PTPRD: variants seen among roughly 807,000 people sequenced by gnomAD.
PTPRD encodes receptor-type tyrosine-protein phosphatase delta.
A neutral mutation model predicts 214.5 loss-of-function variants in PTPRD; 34 were observed. The observed-to-expected ratio is 0.16, with a 90% confidence interval of 0.12 to 0.21. The LOEUF is 0.21. PTPRD is among the 10% of genes least tolerant of loss of function. The pLI is 1.00. For missense variants in PTPRD, 2,545 were observed against 2,398.7 expected (o/e 1.06, Z -1.27); for synonymous variants, 1,128 against 845.7 (o/e 1.33, Z -5.79).
At chr9:9,071,273 G>C (rs373267406) in intron 10 of PTPRD, among the ~76,000 whole-genome samples, 1 of 152,086 alleles carries the variant, frequency 6.6e-6, no homozygotes, top group African/African-American at 2.4e-5. Context: ...TTTGGACAAG[G>C]CACACAACTT....
intron 3 of PTPRD, among the ~76,000 whole-genome samples, chr9:10,261,019 T>G (rs993155357): frequency 8.5e-6 from 1 of 116,974 alleles, no homozygotes; most frequent in Admixed American, 7.8e-5. Context: ...TATATATGTG[T>G]GTATATATAT....
intron 11 of PTPRD, among the ~76,000 whole-genome samples, chr9:8,920,271 G>A (rs773559441): frequency 2.0e-5 from 3 of 152,076 alleles, no homozygotes; most frequent in Non-Finnish European, 4.4e-5. Flanking sequence ...AACCCAGGAG[G>A]CAGAGGTTGC....
chr9:10,024,469 T>A (rs1158081801), intron 4 of PTPRD, among the ~76,000 whole-genome samples: 2 of 152,194 alleles, frequency 1.3e-5, no homozygotes, highest in East Asian at 3.9e-4. Flanking sequence ...ACTTTCATAA[T>A]GTGATACTTT....
intron 8 of PTPRD, among the ~76,000 whole-genome samples, chr9:9,507,892 G>A (rs1042413531): frequency 6.6e-6 from 1 of 151,370 alleles, no homozygotes; most frequent in African/African-American, 2.4e-5. Context: ...TGTCATTCGT[G>A]TCTTGGGTAG....
At chr9:9,401,080 G>C (rs978106270) in intron 8 of PTPRD, among the ~76,000 whole-genome samples, 1 of 151,858 alleles carries the variant, frequency 6.6e-6, no homozygotes, top group Non-Finnish European at 1.5e-5. Context: ...TCTGTACTAG[G>C]CAGGTGGTAG....
At chr9:8,594,961 C>T (rs1474220765) in intron 14 of PTPRD, among the ~76,000 whole-genome samples, 1 of 148,610 alleles carries the variant, frequency 6.7e-6, no homozygotes, top group Non-Finnish European at 1.5e-5. Context: ...CTCCCAGGTT[C>T]ACTCCATTCT....
intron 12 of PTPRD, among the ~76,000 whole-genome samples, chr9:8,723,330 C>T (rs2154422337): frequency 6.6e-6 from 1 of 152,256 alleles, no homozygotes; most frequent in East Asian, 1.9e-4. Context: ...ATATGACAAA[C>T]CAAACCAAGA....
chr9:8,881,203 G>A (rs1286000669), intron 11 of PTPRD, among the ~76,000 whole-genome samples: 1 of 152,154 alleles, frequency 6.6e-6, no homozygotes. Flanking sequence ...GAAATCAAAT[G>A]TATTTGTTCC....
intron 30 of PTPRD, among the ~76,000 whole-genome samples, chr9:8,476,644 C>G (rs951222914): frequency 6.6e-6 from 1 of 152,110 alleles, no homozygotes; most frequent in Middle Eastern, 3.2e-3. Context: ...CATTTTTAAT[C>G]TATACATTTT....
At chr9:8,441,390 T>A (rs539133829) in intron 34 of PTPRD, among the ~76,000 whole-genome samples, 13 of 152,152 alleles carry the variant, frequency 8.5e-5, no homozygotes, top group African/African-American at 3.1e-4. Context: ...GGCCAATCGG[T>A]TCAGACTGTT....
intron 2 of PTPRD, among the ~76,000 whole-genome samples, chr9:10,513,172 TTGTGTGTGTA>T (rs2048870447): frequency 6.6e-6 from 1 of 151,514 alleles, no homozygotes. Flanking sequence ...GGTTTTATGA[TTGTGTGTGTA>T]TGTGTGTGTG....
intron 9 of PTPRD, among the ~76,000 whole-genome samples, chr9:9,327,144 T>C (rs2136294388): frequency 6.6e-6 from 1 of 152,292 alleles, no homozygotes; most frequent in South Asian, 2.1e-4. Context: ...ACTGAAATTC[T>C]TGGTAAATTA....
intron 2 of PTPRD, among the ~76,000 whole-genome samples, chr9:10,370,683 A>C (rs2097593848): frequency 6.6e-6 from 1 of 152,114 alleles, no homozygotes; most frequent in Non-Finnish European, 1.5e-5. Context: ...TACCATGCTT[A>C]ATATTTCATA....
chr9:9,921,553 A>T (rs542176162), intron 5 of PTPRD, among the ~76,000 whole-genome samples: 2 of 151,826 alleles, frequency 1.3e-5, no homozygotes, highest in Non-Finnish European at 2.9e-5. Context: ...GAAATAGAGT[A>T]TATTCAAGAG....
chr9:9,615,389 C>G (rs1184715938), intron 7 of PTPRD, among the ~76,000 whole-genome samples: 1 of 152,166 alleles, frequency 6.6e-6, no homozygotes, highest in Non-Finnish European at 1.5e-5. Context: ...TGAAGCAGCA[C>G]CAGACAGCTC....
At chr9:8,500,276 TTC>T (rs1335271287) in intron 24 of PTPRD, among the ~76,000 whole-genome samples, 1 of 151,896 alleles carries the variant, frequency 6.6e-6, no homozygotes, top group African/African-American at 2.4e-5. Flanking sequence ...ATGTATTATC[TTC>T]TCTTTTTTTC....
intron 9 of PTPRD, among the ~76,000 whole-genome samples, chr9:9,225,435 C>G (rs1381752670): frequency 6.6e-6 from 1 of 151,910 alleles, no homozygotes; most frequent in African/African-American, 2.4e-5. Context: ...AGAAGATGAA[C>G]ATGATTGATG....
chr9:10,123,015 G>A (rs745459130), intron 3 of PTPRD, among the ~76,000 whole-genome samples: 1 of 152,220 alleles, frequency 6.6e-6, no homozygotes, highest in South Asian at 2.1e-4. Context: ...TGCTGATGAG[G>A]CTGTCTGCAT....
chr9:8,625,441 G>A (rs2095993270), intron 14 of PTPRD, among the ~76,000 whole-genome samples: 1 of 151,712 alleles, frequency 6.6e-6, no homozygotes, highest in Non-Finnish European at 1.5e-5. Context: ...TACTTAGAAA[G>A]GTAGAAAATA....
Sources: gnomAD v4.1 joint callset for allele counts (sites outside exome capture counted in the v4.1 genomes callset) on GRCh38, gnomAD v4.1.1 for gene constraint, MANE v1.5 for transcripts, NCBI Gene and HGNC (gene_info 2026-07-23, HGNC 2026-07-21) for gene names.